The following RASGEF1C variants were observed in gnomAD, a reference collection of about 807,000 sequenced individuals.
The protein encoded by RASGEF1C is ras-GEF domain-containing family member 1C.
RASGEF1C carries 27 observed loss-of-function variants against 58.1 expected under a neutral mutation model. The ratio of observed to expected loss-of-function variants is 0.46; its 90% CI spans 0.34 to 0.64. The LOEUF (loss-of-function observed/expected upper bound fraction) is 0.64, where lower values mean the gene tolerates loss of function less well. RASGEF1C is among the 30% of genes least tolerant of loss of function. RASGEF1C has a pLI of 0.01. For missense variants in RASGEF1C, 502 were observed against 605.1 expected (o/e 0.83, Z 1.79); for synonymous variants, 243 against 246.3 (o/e 0.99, Z 0.13).
intron 1 of RASGEF1C, among the ~76,000 whole-genome samples, chr5:180,151,377 C>T (rs1364091978): frequency 1.3e-5 from 2 of 152,054 alleles, no homozygotes; most frequent in East Asian, 3.9e-4. Context: ...GAGATATAGA[C>T]CAATGGAACA....
chr5:180,166,683 T>C (rs1372004916), intron 1 of RASGEF1C, among the ~76,000 whole-genome samples: 2 of 152,042 alleles, frequency 1.3e-5, no homozygotes. Context: ...GCCCAGCTAA[T>C]TTTTGTAGTT....
At position 180,124,091 on chromosome 5, in the gene RASGEF1C, A is replaced by G. The variant is rs114506211; in HGVS notation, c.715-2942T>C. The stretch of plus-strand genomic sequence containing the variant: ...AAACAAACAAGAATAACCTTGAATC[A>G]GTACACGAAAGTCATCCCTCAAAGA... On this transcript the variant is annotated intron_variant, in intron 6 of 13. Coordinates refer to ENST00000361132, the MANE Select transcript of RASGEF1C (RefSeq NM_175062.4). Among the ~76,000 whole-genome samples, 1,307 of 152,280 alleles carry G rather than the reference A, an allele frequency of 8.6e-3. 19 individuals carry two copies. The highest frequency in any genetic ancestry group is 0.03 in the African/African-American group (1,244 of 41,546).
chr5:180,138,375 T>A, intron 1 of RASGEF1C: 1 of 253,236 alleles, frequency 3.9e-6, no homozygotes, highest in East Asian at 7.1e-5. Context: ...AGGTTGTTTT[T>A]CACAAGCCTG....
chr5:180,120,344 G>C (rs1052855438), intron 7 of RASGEF1C, among the ~76,000 whole-genome samples: 1 of 152,182 alleles, frequency 6.6e-6, no homozygotes, highest in Non-Finnish European at 1.5e-5. Flanking sequence ...TCGCCACGTC[G>C]CATGGGGCCG....
At chr5:180,163,943 AC>A (rs955333302) in intron 1 of RASGEF1C, among the ~76,000 whole-genome samples, 1 of 152,180 alleles carries the variant, frequency 6.6e-6, no homozygotes, top group Non-Finnish European at 1.5e-5. Flanking sequence ...TATCTATTTC[AC>A]CTAAGGTAAG....
intron 6 of RASGEF1C, among the ~76,000 whole-genome samples, chr5:180,123,176 C>T (rs1766203361): frequency 6.6e-6 from 1 of 152,196 alleles, no homozygotes; most frequent in African/African-American, 2.4e-5. Context: ...AGGGATATGT[C>T]ACAAGTCTTA....
chr5:180,118,884 G>C lies in RASGEF1C; in HGVS notation c.908-18C>G. Reference sequence around the variant, plus strand: ...CATGCCGGCTGGAAGAGGGAGGAGGGTTGGAGAGGGCTGCTCCTGGGACAG... The same window carrying C: ...CATGCCGGCTGGAAGAGGGAGGAGGCTTGGAGAGGGCTGCTCCTGGGACAG... On this transcript the variant is annotated intron_variant, in intron 8 of 13. Transcript: ENST00000361132. 1 of 1,612,362 alleles carries C rather than the reference G, an allele frequency of 6.2e-7. No individual in the cohort carries two copies. Among genetic ancestry groups the C allele is most frequent in the Non-Finnish European group, 8.5e-7 (1 of 1,178,404 alleles).
At chr5:180,136,298 C>G in intron 4 of RASGEF1C, 80 bp downstream of exon 4, 2 of 1,408,326 alleles carry the variant, frequency 1.4e-6, no homozygotes, top group South Asian at 2.8e-5. Flanking sequence ...AGATGAGGGC[C>G]CTGGGGTGCG....
rs539306777 is a variant in RASGEF1C at position 180,137,507 on chromosome 5, C to T, written c.300+83G>A. On this transcript the variant is annotated intron_variant, in intron 3 of 13. Transcript: ENST00000361132. This position sits in a 1 kb window ranked among gnomAD's most constrained non-coding sequence, Gnocchi z 4.1. ...TCAGGAAAACGGGGACAATCATTGC[C>T]TCCCCGAGAGGCTGATGCGTTGAGG... 15 of 1,534,242 alleles carry T rather than the reference C, an allele frequency of 9.8e-6. No individual in the cohort carries two copies. The highest frequency in any genetic ancestry group is 1.4e-5 in the African/African-American group (1 of 73,092).
chr5:180,182,574 G>A (rs1767365090), intron 1 of RASGEF1C, among the ~76,000 whole-genome samples: 1 of 152,088 alleles, frequency 6.6e-6, no homozygotes, highest in East Asian at 1.9e-4. Flanking sequence ...CCATTTTATA[G>A]TGTTGATTGG....
At chr5:180,142,287 G>T (rs1470739864) in intron 1 of RASGEF1C, among the ~76,000 whole-genome samples, 1 of 152,194 alleles carries the variant, frequency 6.6e-6, no homozygotes, top group African/African-American at 2.4e-5. Flanking sequence ...CCCATGAAAT[G>T]AATGAGACTT....
chr5:180,188,289 G>A (rs1200417126), intron 1 of RASGEF1C, among the ~76,000 whole-genome samples: 4 of 152,206 alleles, frequency 2.6e-5, no homozygotes, highest in Non-Finnish European at 5.9e-5. Flanking sequence ...TACATACACA[G>A]GGAAAGAACA....
At chr5:180,118,379 G>T (rs920498200) in intron 10 of RASGEF1C, among the ~76,000 whole-genome samples, 3 of 152,220 alleles carry the variant, frequency 2.0e-5, no homozygotes, top group African/African-American at 7.2e-5. Context: ...ACCCCAGGCA[G>T]CCCGGCTTCA....
In RASGEF1C at chr5:180,137,625, C is replaced by G; in HGVS notation, c.265G>C (p.Glu89Gln). The part of the protein sequence containing the change: ...LLARVCHLCI[E>Q]QQQLDKPVLD... ...ACCGGCTTGTCCAGCTGCTGCTGCTCGATGCACAGGTGGCAGACCCGGGCC... is the reference window on the plus strand; with the variant it reads ...ACCGGCTTGTCCAGCTGCTGCTGCTGGATGCACAGGTGGCAGACCCGGGCC... The change falls in exon 3 of 14, where the codon GAG becomes CAG. Residue 89 changes from glutamate to glutamine, a missense_variant. Glu to Gln is a conservative substitution (Grantham distance 29). Transcript: ENST00000361132. The surrounding 1 kb of genome is among the most constrained non-coding windows in gnomAD (Gnocchi z 4.1). 1.2e-6 allele frequency: 2 copies of G among 1,611,558 alleles called. No individual in the cohort carries two copies. Among genetic ancestry groups the G allele is most frequent in the Non-Finnish European group, 1.7e-6 (2 of 1,179,656 alleles).
At chr5:180,113,139 ATGGATGGAGGGATCTGGGC>A in intron 11 of RASGEF1C, among the ~76,000 whole-genome samples, 1 of 121,794 alleles carries the variant, frequency 8.2e-6, no homozygotes, top group African/African-American at 3.2e-5. Context: ...GGGATCGAGG[ATGGATGGAGGGATCTGGGC>A]TGGACGGAGG....
At chr5:180,176,127 T>C (rs1767222332) in intron 1 of RASGEF1C, among the ~76,000 whole-genome samples, 1 of 152,234 alleles carries the variant, frequency 6.6e-6, no homozygotes, top group Non-Finnish European at 1.5e-5. Context: ...ACGTGGATGT[T>C]GGATAGGGTG....
At chr5:180,193,434 A>G (rs9764679) in intron 1 of RASGEF1C, among the ~76,000 whole-genome samples, 101,239 of 151,784 alleles carry the variant, frequency 0.67, 34,022 homozygotes, top group East Asian at 0.89. Context: ...GGGCCCTCAT[A>G]GTATTTTGAC....
intron 1 of RASGEF1C, among the ~76,000 whole-genome samples, chr5:180,141,366 G>A (rs1039325535): frequency 4.6e-5 from 7 of 152,238 alleles, no homozygotes; most frequent in East Asian, 1.9e-4. Context: ...TCCACACAGT[G>A]GGGCAGGAGT....
intron 1 of RASGEF1C, among the ~76,000 whole-genome samples, chr5:180,161,425 C>CAGCCCCGGA (rs1766942252): frequency 6.6e-6 from 1 of 152,178 alleles, no homozygotes; most frequent in Non-Finnish European, 1.5e-5. Flanking sequence ...GCAGCCCCGG[C>CAGCCCCGGA]GACACGAGGA....
Sources: gnomAD v4.1 joint callset for allele counts (sites outside exome capture counted in the v4.1 genomes callset) on GRCh38, gnomAD v4.1.1 for gene constraint, Gnocchi (gnomAD v3.1) non-coding constraint, MANE v1.5 for transcripts, NCBI Gene and HGNC (gene_info 2026-07-23, HGNC 2026-07-21) for gene names.